Variants in MYO5A observed in about 807,000 individuals in gnomAD.
MYO5A encodes unconventional myosin-Va.
MYO5A carries 98 observed loss-of-function variants against 249.7 expected under a neutral mutation model. That is an observed-to-expected ratio of 0.39 (90% CI 0.33 to 0.46). The LOEUF is 0.46. Among genes scored for constraint, MYO5A ranks in the 20% least tolerant of loss-of-function variants. The pLI is 0.98. For synonymous variants in MYO5A, 778 were observed against 810.6 expected, an observed-to-expected ratio of 0.96 and a Z score of 0.68; for missense variants, 1,696 against 2,308.8, an observed-to-expected ratio of 0.73 and a Z score of 5.44.
chr15:52,308,531 TTC>T lies in MYO5A; in HGVS notation c.*5163_*5164del, dbSNP rs1596252737. On this transcript the variant is annotated 3_prime_UTR_variant, in exon 42 of 42. Coordinates refer to ENST00000399233, the MANE Select transcript of MYO5A (RefSeq NM_001382347.1). ...CAAGAATCTAACTTATCTCCATAAT[TTC>T]TTTCATATATTCATTTGCTTACTTG... 6.6e-6 allele frequency: 1 copy of T among 152,204 alleles called. No individual in the cohort carries two copies. The highest frequency in any genetic ancestry group is 1.9e-4 in the East Asian group (1 of 5,202). The allele number at this position is 152,204 out of a possible 1,614,324, so 9.4% of individuals were successfully genotyped here.
At chr15:52,340,738 G>A (rs1330578525) in intron 31 of MYO5A, among the ~76,000 whole-genome samples, 1 of 152,050 alleles carries the variant, frequency 6.6e-6, no homozygotes, top group African/African-American at 2.4e-5. Flanking sequence ...CCTGAGATGA[G>A]GAGTTTAAGA....
chr15:52,473,621 A>G (rs201575209), intron 1 of MYO5A, among the ~76,000 whole-genome samples: 2 of 152,344 alleles, frequency 1.3e-5, no homozygotes, highest in East Asian at 3.9e-4. Context: ...ATGGCTACCC[A>G]GTTTTCCCAG....
chr15:52,391,756 C>A (rs1178907696), intron 12 of MYO5A, among the ~76,000 whole-genome samples, 174 bp downstream of exon 12: 1 of 152,122 alleles, frequency 6.6e-6, no homozygotes, highest in African/African-American at 2.4e-5. Context: ...CCTAGTTTCA[C>A]TTGTAATTAG....
chr15:52,446,753 T>C lies in MYO5A; in HGVS notation c.28-13468A>G, dbSNP rs540854379. 2.8e-4 allele frequency among the ~76,000 whole-genome samples: 43 copies of C among 152,362 alleles called. 1 individual carries two copies. The South Asian group carries it at 8.7e-3, about 31-fold the overall frequency. On this transcript the variant is annotated intron_variant, in intron 1 of 41. Coordinates refer to ENST00000399233, the MANE Select transcript of MYO5A (RefSeq NM_001382347.1). Reference sequence around the variant, plus strand: ...CAAGGCCTTGGGAACCCACTCTTTCTATCAGTGTGCCCTGGATGGGACGTG... The same window carrying C: ...CAAGGCCTTGGGAACCCACTCTTTCCATCAGTGTGCCCTGGATGGGACGTG...
At chr15:52,474,574 A>C (rs1178517251) in intron 1 of MYO5A, among the ~76,000 whole-genome samples, 1 of 152,034 alleles carries the variant, frequency 6.6e-6, no homozygotes, top group African/African-American at 2.4e-5. Flanking sequence ...TCAATACCTA[A>C]TTTATTGAGG....
At chr15:52,390,190 T>C (rs1426526675) in intron 12 of MYO5A, among the ~76,000 whole-genome samples, 1 of 152,050 alleles carries the variant, frequency 6.6e-6, no homozygotes, top group African/African-American at 2.4e-5. Flanking sequence ...GGTTAATAGG[T>C]ACCAAAAAAT....
At chr15:52,516,824 C>G (rs1419310674) in intron 1 of MYO5A, among the ~76,000 whole-genome samples, 2 of 152,190 alleles carry the variant, frequency 1.3e-5, no homozygotes, top group Non-Finnish European at 2.9e-5. Context: ...CTACAATGTC[C>G]TGATAACATA....
At chr15:52,460,463 G>A (rs984829596) in intron 1 of MYO5A, among the ~76,000 whole-genome samples, 1 of 152,234 alleles carries the variant, frequency 6.6e-6, no homozygotes, top group African/African-American at 2.4e-5. Context: ...CGGCCAACAC[G>A]GCCAAACCCC....
intron 1 of MYO5A, among the ~76,000 whole-genome samples, chr15:52,439,259 C>T (rs1027853468): frequency 6.6e-6 from 1 of 152,192 alleles, no homozygotes; most frequent in African/African-American, 2.4e-5. Context: ...GCAAGGACGA[C>T]CCGGTAACAC....
chr15:52,473,253 C>T lies in MYO5A; in HGVS notation c.28-39968G>A, dbSNP rs553342772. ...TTTTGATGGGGCTGTTTGATTTTTT[C>T]TTGTAAATTTGTTTAAGTTCTTTGT... is the stretch of plus-strand genomic sequence containing the variant. On this transcript the variant is annotated intron_variant, in intron 1 of 41. Transcript: ENST00000399233. Among the ~76,000 whole-genome samples, 796 of 152,218 alleles carry T rather than the reference C, an allele frequency of 5.2e-3. 2 individuals are homozygous for T. The highest frequency in any genetic ancestry group is 0.011 in the South Asian group (54 of 4,828).
chr15:52,440,190 G>C (rs1458883231), intron 1 of MYO5A, among the ~76,000 whole-genome samples: 1 of 152,176 alleles, frequency 6.6e-6, no homozygotes, highest in Non-Finnish European at 1.5e-5. Flanking sequence ...GGCTCACCCA[G>C]CACTGCCCTT....
At chr15:52,422,481 T>C (rs947905140) in intron 4 of MYO5A, among the ~76,000 whole-genome samples, 2 of 152,188 alleles carry the variant, frequency 1.3e-5, no homozygotes, top group African/African-American at 2.4e-5. Context: ...ACCTTCTAGG[T>C]GCTCAGTCCA....
Position 52,397,202 on chromosome 15 carries a change from C to T in MYO5A, c.1318G>A (p.Gly440Arg), listed in dbSNP as rs1476670018. 6.2e-7 allele frequency: 1 copy of T among 1,613,774 alleles called. No homozygotes were observed. The highest frequency in any genetic ancestry group is 1.7e-5 in the Admixed American group (1 of 59,998). Residue 440 changes from glycine (G) to arginine (R), a missense_variant and splice_region_variant, in exon 10 of 42, where the codon GGA (glycine) becomes AGA (arginine). By Grantham distance (125) the Gly-to-Arg change is moderately radical (BLOSUM62 -2). Transcript: ENST00000399233. ...HSFIGVLDIY[G>R]FETFEINSFE... ...GACCAATTAGCCAAATATACTCACC[C>T]GTAAATGTCTAGCACACCAATAAAA... is the stretch of plus-strand genomic sequence containing the variant.
At chr15:52,386,192 C>G (rs934610472) in intron 14 of MYO5A, among the ~76,000 whole-genome samples, 3 of 151,924 alleles carry the variant, frequency 2.0e-5, no homozygotes, top group Non-Finnish European at 2.9e-5. Flanking sequence ...ATCTGTAGTC[C>G]CAGCTACTTG....
rs150308539 is a variant in MYO5A at position 52,431,755 on chromosome 15, G to T, written c.138+1420C>A. Among the ~76,000 whole-genome samples, 823 of 151,780 alleles carry T rather than the reference G, an allele frequency of 5.4e-3. 9 individuals are homozygous for T. The highest frequency in any genetic ancestry group is 0.019 in the African/African-American group (792 of 41,378). On this transcript the variant is annotated intron_variant, in intron 2 of 41. Transcript: ENST00000399233. ...AATCCCAGCACTTCAGGAGACCGAG[G>T]TGGGAGGACTGCTTGAGCTCAGGAG...
chr15:52,357,128 T>C (rs1041162682), intron 25 of MYO5A, among the ~76,000 whole-genome samples: 1 of 152,108 alleles, frequency 6.6e-6, no homozygotes, highest in Non-Finnish European at 1.5e-5. Context: ...ATTTCATTCA[T>C]ATAAAAATTC....
chr15:52,365,904 T>C (rs1324255339), intron 23 of MYO5A, among the ~76,000 whole-genome samples: 2 of 152,342 alleles, frequency 1.3e-5, no homozygotes, highest in South Asian at 2.1e-4. Flanking sequence ...ATCCTTCTGT[T>C]ACATGCTGCC....
chr15:52,396,491 G>C, intron 10 of MYO5A, 94 bp from the exon 11 acceptor site: 1 of 726,946 alleles, frequency 1.4e-6, no homozygotes, highest in South Asian at 1.7e-5. Flanking sequence ...AAAGAAGTGG[G>C]ACATTCCCCA....
chr15:52,347,144 T>C (rs954653775), intron 29 of MYO5A, among the ~76,000 whole-genome samples: 1 of 152,174 alleles, frequency 6.6e-6, no homozygotes, highest in Admixed American at 6.5e-5. Flanking sequence ...ATTTTCTTTT[T>C]AATTTTCTCC....
Sources: gnomAD v4.1 joint callset for allele counts (sites outside exome capture counted in the v4.1 genomes callset) on GRCh38, gnomAD v4.1.1 for gene constraint, MANE v1.5 for transcripts, NCBI Gene and HGNC (gene_info 2026-07-23, HGNC 2026-07-21) for gene names.